DCC: variants seen among roughly 807,000 people sequenced by gnomAD.
DCC encodes the protein DCC netrin 1 receptor, also known as netrin receptor DCC.
In DCC, 58 loss-of-function variants were observed where a neutral mutation model predicts 172.5. The ratio of observed to expected loss-of-function variants is 0.34; its 90% CI spans 0.27 to 0.42. DCC has a LOEUF of 0.42. DCC is among the 10% of genes least tolerant of loss of function. The pLI is 1.00. For synonymous variants in DCC, 709 were observed against 644.5 expected (o/e 1.10, Z -1.52); for missense variants, 1,740 against 1,791.0 (o/e 0.97, Z 0.51).
intron 11 of DCC, among the ~76,000 whole-genome samples, chr18:53,208,702 C>T (rs1388617511): frequency 1.3e-5 from 2 of 152,014 alleles, no homozygotes; most frequent in Non-Finnish European, 2.9e-5. Context: ...TTCACTACAC[C>T]CTTTATTCCT....
rs369426007 is a variant in DCC at position 53,446,124 on chromosome 18, A to AAAAAC, written c.3230-4376_3230-4375insAAAAC. Among the ~76,000 whole-genome samples the AAAAAC allele has an allele frequency of 3.8e-4, 45 of 117,274 alleles. 3 individuals are homozygous for AAAAAC. Among genetic ancestry groups the AAAAAC allele is most frequent in the Admixed American group, 7.4e-4 (8 of 10,756 alleles). The allele number at this position is 117,274 out of a possible 152,430, so 76.9% of individuals were successfully genotyped here. A position where few individuals can be genotyped will look rare whatever the true frequency, so the allele number is the denominator to read the frequency against. ...AAAAAAAAAAAAAAAACAAAAAAAA[A>AAAAAC]CACTTAAAAATTTTCCAGGGATGGT... On this transcript the variant is annotated intron_variant, in intron 22 of 28. Transcript: ENST00000442544.
chr18:53,258,543 G>T (rs2056552693), intron 12 of DCC, among the ~76,000 whole-genome samples: 1 of 152,026 alleles, frequency 6.6e-6, no homozygotes, highest in Non-Finnish European at 1.5e-5. Flanking sequence ...TCTTAATCCT[G>T]AGTTCTAGTT....
intron 2 of DCC, among the ~76,000 whole-genome samples, chr18:52,804,247 A>T: frequency 1.7e-5 from 1 of 59,548 alleles, no homozygotes; most frequent in African/African-American, 4.1e-5. Flanking sequence ...TAGTGTATAC[A>T]ACTTTAGTTC....
At chr18:52,761,727 C>A (rs111937972) in intron 2 of DCC, among the ~76,000 whole-genome samples, 468 of 151,966 alleles carry the variant, frequency 3.1e-3, no homozygotes, top group African/African-American at 0.011. Context: ...AAAGACAGAG[C>A]CTTAGCCTCA....
chr18:53,140,762 A>G (rs1466872310), intron 7 of DCC, among the ~76,000 whole-genome samples: 1 of 152,080 alleles, frequency 6.6e-6, no homozygotes, highest in African/African-American at 2.4e-5. Flanking sequence ...GTAATATAGG[A>G]GGTTTGAGTG....
chr18:52,398,971 T>C (rs184795463), intron 1 of DCC, among the ~76,000 whole-genome samples: 1 of 151,980 alleles, frequency 6.6e-6, no homozygotes, highest in East Asian at 1.9e-4. Context: ...AATAAATAAA[T>C]AAATAAACAA....
chr18:52,409,426 G>A (rs1986768813), intron 1 of DCC, among the ~76,000 whole-genome samples: 1 of 152,058 alleles, frequency 6.6e-6, no homozygotes, highest in Admixed American at 6.6e-5. Context: ...ATATTCAACT[G>A]TTTTTTCTTA....
chr18:52,593,497 A>G (rs1394735205), intron 1 of DCC, among the ~76,000 whole-genome samples: 1 of 152,200 alleles, frequency 6.6e-6, no homozygotes, highest in East Asian at 1.9e-4. Context: ...TGACCTGCTC[A>G]TATTTTTATT....
chr18:52,947,444 T>C (rs901751144), intron 5 of DCC, among the ~76,000 whole-genome samples: 10 of 152,152 alleles, frequency 6.6e-5, no homozygotes, highest in Non-Finnish European at 2.9e-5. Context: ...AAATTCCCTA[T>C]AGTTGGACTT....
chr18:53,208,138 G>T (rs1490642834), intron 11 of DCC, among the ~76,000 whole-genome samples: 3 of 147,608 alleles, frequency 2.0e-5, no homozygotes, highest in African/African-American at 7.5e-5. Context: ...AACTGGATAT[G>T]GTGGCATGCA....
chr18:52,603,591 T>TACAC (rs10553153), intron 1 of DCC, among the ~76,000 whole-genome samples: 17,003 of 144,534 alleles, frequency 0.12, 1,150 homozygotes, highest in South Asian at 0.21. Context: ...GTGAAGTTAA[T>TACAC]ACACACACAC....
At chr18:52,793,445 T>C (rs1380950842) in intron 2 of DCC, among the ~76,000 whole-genome samples, 2 of 152,230 alleles carry the variant, frequency 1.3e-5, no homozygotes, top group Admixed American at 1.3e-4. Flanking sequence ...CCCATACCCT[T>C]ACCATCTGCT....
chr18:52,624,854 G>A (rs569762429), intron 1 of DCC, among the ~76,000 whole-genome samples: 10 of 152,278 alleles, frequency 6.6e-5, no homozygotes, highest in African/African-American at 1.2e-4. Context: ...AGAGATTCAC[G>A]TGCAGTTGCA....
intron 5 of DCC, among the ~76,000 whole-genome samples, chr18:53,004,663 A>C (rs1274039943): frequency 6.6e-6 from 1 of 151,994 alleles, no homozygotes; most frequent in Non-Finnish European, 1.5e-5. Flanking sequence ...TGGCTTCTCA[A>C]AGTTGTTCCT....
At chr18:52,527,240 A>G (rs55962525) in intron 1 of DCC, among the ~76,000 whole-genome samples, 1 of 152,330 alleles carries the variant, frequency 6.6e-6, no homozygotes, top group East Asian at 1.9e-4. Flanking sequence ...TCTTTTTTTC[A>G]ATTATGCAGT....
At chr18:53,102,541 T>C (rs775956258) in intron 7 of DCC, among the ~76,000 whole-genome samples, 1 of 152,110 alleles carries the variant, frequency 6.6e-6, no homozygotes, top group Non-Finnish European at 1.5e-5. Flanking sequence ...ATATCCAAGC[T>C]GTATTGATGT....
intron 9 of DCC, among the ~76,000 whole-genome samples, chr18:53,198,041 T>G (rs1050963531): frequency 6.6e-6 from 1 of 152,146 alleles, no homozygotes; most frequent in Non-Finnish European, 1.5e-5. Context: ...ATTTTAGCTT[T>G]GAAACAGTAG....
chr18:52,937,693 G>T (rs1598949315), intron 5 of DCC, among the ~76,000 whole-genome samples: 3 of 151,964 alleles, frequency 2.0e-5, no homozygotes, highest in African/African-American at 4.8e-5. Context: ...TCACTATATT[G>T]CCGAGGCTGG....
intron 5 of DCC, among the ~76,000 whole-genome samples, chr18:53,042,800 C>T (rs1212603240): frequency 6.6e-6 from 1 of 151,828 alleles, no homozygotes; most frequent in Non-Finnish European, 1.5e-5. Context: ...ATTAAAAAGT[C>T]AGGAAACAAC....
Sources: allele counts gnomAD v4.1 joint callset (sites outside exome capture counted in the v4.1 genomes callset), GRCh38; gene constraint gnomAD v4.1.1; transcripts MANE v1.5; gene names NCBI Gene and HGNC (gene_info 2026-07-23, HGNC 2026-07-21).